The following PIK3R3 variants were observed in gnomAD, a reference collection of about 807,000 sequenced individuals.
The protein encoded by PIK3R3 is phosphatidylinositol 3-kinase regulatory subunit gamma.
In PIK3R3, 64 loss-of-function variants were observed where a neutral mutation model predicts 62.9. The observed-to-expected ratio is 1.02, with a 90% CI of 0.83 to 1.25. PIK3R3 has a LOEUF of 1.25. PIK3R3 is among the 50% of genes most tolerant of loss of function. The pLI, the probability that PIK3R3 is intolerant of heterozygous loss-of-function variation, is 0.00. For missense variants in PIK3R3, 614 were observed against 561.6 expected (o/e 1.09, Z -0.94); for synonymous variants, 165 against 189.0 (o/e 0.87, Z 1.04).
intron 1 of PIK3R3, among the ~76,000 whole-genome samples, chr1:46,109,724 C>T (rs1038236390): frequency 1.4e-4 from 22 of 152,078 alleles, no homozygotes; most frequent in African/African-American, 4.8e-4. Flanking sequence ...CCCCATGATC[C>T]GCCCACCTCA....
rs1557589516 is a variant in PIK3R3 at position 46,080,644 on chromosome 1, T to G, written c.213A>C (p.Ser71=). The change falls in exon 2 of 10, where the codon TCA becomes TCC. Residue 71 remains serine (S), a splice_region_variant and synonymous_variant. Coordinates refer to ENST00000262741, the MANE Select transcript of PIK3R3 (RefSeq NM_003629.4). Reference sequence around the variant, plus strand: ...AATTACAGTAGCATTCTAGTTACCTTGAAATATCCCCCCAGTACCATTCTG... The same window carrying G: ...AATTACAGTAGCATTCTAGTTACCTGGAAATATCCCCCCAGTACCATTCTG... ...QDAEWYWGDI[S]REEVNDKLRD... The G allele has an allele frequency of 1.3e-6, 2 of 1,582,520 alleles. No individual in the cohort carries two copies. The highest frequency in any genetic ancestry group is 1.7e-6 in the Non-Finnish European group (2 of 1,154,274).
intron 1 of PIK3R3, among the ~76,000 whole-genome samples, chr1:46,094,558 T>C (rs1292035349): frequency 6.6e-6 from 1 of 152,174 alleles, no homozygotes; most frequent in East Asian, 1.9e-4. Flanking sequence ...TAAAAGACAA[T>C]GATTAAACAA....
chr1:46,126,899 G>A (rs1052650066), intron 1 of PIK3R3, among the ~76,000 whole-genome samples: 4 of 151,964 alleles, frequency 2.6e-5, no homozygotes, highest in Non-Finnish European at 5.9e-5. Flanking sequence ...GCCCTTTGAG[G>A]TCTTCTAATT....
the PIK3R3 span, among the ~76,000 whole-genome samples, chr1:46,152,331 A>G: frequency 1.3e-5 from 2 of 151,174 alleles, no homozygotes; most frequent in African/African-American, 4.9e-5. Flanking sequence ...CCCAGCCAAG[A>G]GCACTCTTTC....
the PIK3R3 span, among the ~76,000 whole-genome samples, chr1:46,166,732 G>A: frequency 6.6e-6 from 1 of 152,174 alleles, no homozygotes; most frequent in Non-Finnish European, 1.5e-5. Context: ...AACAGTAATC[G>A]GTCGAATTCG....
chr1:46,085,378 A>ATG (rs1433423170), intron 1 of PIK3R3, among the ~76,000 whole-genome samples: 3 of 152,210 alleles, frequency 2.0e-5, no homozygotes, highest in Non-Finnish European at 4.4e-5. Flanking sequence ...GGACTTTATA[A>ATG]TCCAAAAGGA....
chr1:46,110,718 A>G (rs785489), intron 1 of PIK3R3, among the ~76,000 whole-genome samples: 69,670 of 151,286 alleles, frequency 0.46, 16,160 homozygotes, highest in East Asian at 0.62. Context: ...TATTTGTTGA[A>G]TTACTGCTTG....
chr1:46,157,333 A>G, the PIK3R3 span, among the ~76,000 whole-genome samples: 2 of 152,180 alleles, frequency 1.3e-5, no homozygotes, highest in African/African-American at 2.4e-5. Context: ...GGGTTTTGCC[A>G]TGTTGCCCAG....
chr1:46,172,905 A>C, the PIK3R3 span, among the ~76,000 whole-genome samples: 1 of 152,174 alleles, frequency 6.6e-6, no homozygotes, highest in Non-Finnish European at 1.5e-5. Context: ...AGGCACGAGA[A>C]TCACTTGACT....
At chr1:46,091,587 C>G (rs1028980687) in intron 1 of PIK3R3, among the ~76,000 whole-genome samples, 2 of 152,078 alleles carry the variant, frequency 1.3e-5, no homozygotes, top group Admixed American at 6.6e-5. Context: ...AATTCCAGAT[C>G]TAGACTTAAG....
chr1:46,063,772 G>A (rs527732609), intron 5 of PIK3R3, among the ~76,000 whole-genome samples: 4 of 151,898 alleles, frequency 2.6e-5, no homozygotes, highest in Non-Finnish European at 4.4e-5. Flanking sequence ...TCACTCTATC[G>A]TATCAGCTAA....
chr1:46,127,340 C>T (rs1239786456), intron 1 of PIK3R3, among the ~76,000 whole-genome samples: 1 of 66,894 alleles, frequency 1.5e-5, no homozygotes, highest in Non-Finnish European at 3.1e-5. Flanking sequence ...GAGACCCTGC[C>T]TCAAAAAAAA....
At chr1:46,165,875 A>G in the PIK3R3 span, among the ~76,000 whole-genome samples, 2 of 134,678 alleles carry the variant, frequency 1.5e-5, no homozygotes, top group Non-Finnish European at 3.1e-5. Flanking sequence ...GGGTTCACCC[A>G]TTCTCCTGCC....
In PIK3R3 at chr1:46,077,573, TC is replaced by T. The variant is rs776465762; in HGVS notation, c.255del (p.Thr86ProfsTer17). 1.2e-6 allele frequency: 2 copies of T among 1,612,592 alleles called. No homozygotes were observed. Among genetic ancestry groups the T allele is most frequent in the East Asian group, 2.2e-5 (1 of 44,856 alleles). ...VNDKLRDMPD[G>X]TFLVRDASTK... Reference sequence around the variant, plus strand: ...GTTGAGGCATCTCGGACCAAGAAGGTCCCATCTGGCATATCCCGCAATTTGT... The same window carrying T: ...GTTGAGGCATCTCGGACCAAGAAGGTCCATCTGGCATATCCCGCAATTTGT... On this transcript the variant is annotated frameshift_variant, in exon 3 of 10. Coordinates refer to ENST00000262741, the MANE Select transcript of PIK3R3 (RefSeq NM_003629.4). LOFTEE classifies it high-confidence loss of function.
At chr1:46,045,882 A>G in intron 9 of PIK3R3, 36 bp downstream of exon 9, 1 of 1,561,992 alleles carries the variant, frequency 6.4e-7, no homozygotes, top group Non-Finnish European at 8.8e-7. Flanking sequence ...TTGATGCAAA[A>G]GATTTCAAAA....
chr1:46,045,972 C>G lies in PIK3R3; in HGVS notation c.1133G>C (p.Gly378Ala). Residue 378 changes from glycine to alanine, a missense_variant, in exon 9 of 10, where the codon GGT becomes GCT. Coordinates refer to ENST00000262741, the MANE Select transcript of PIK3R3 (RefSeq NM_003629.4). ...GCTACTCTCACGAATTAAGAATGCA[C>G]CATCAGGTTTCCCATAAAGCAAGTC... Reference protein sequence around the residue: ...AEDLLYGKPDGAFLIRESSKK... With the variant: ...AEDLLYGKPDAAFLIRESSKK... 1 of 1,613,592 alleles carries G rather than the reference C, an allele frequency of 6.2e-7. No homozygotes were observed. Among genetic ancestry groups the G allele is most frequent in the Non-Finnish European group, 8.5e-7 (1 of 1,179,758 alleles).
chr1:46,118,770 G>T (rs1159361237), intron 1 of PIK3R3, among the ~76,000 whole-genome samples: 1 of 151,858 alleles, frequency 6.6e-6, no homozygotes. Context: ...TGGCCAGGCT[G>T]GTCTCAAACT....
At chr1:46,075,458 T>C (rs1193153701) in intron 3 of PIK3R3, among the ~76,000 whole-genome samples, 1 of 151,786 alleles carries the variant, frequency 6.6e-6, no homozygotes, top group Non-Finnish European at 1.5e-5. Flanking sequence ...CTACAAAAAA[T>C]AAAAAACACA....
At chr1:46,169,128 T>A in the PIK3R3 span, among the ~76,000 whole-genome samples, 735 of 152,302 alleles carry the variant, frequency 4.8e-3, 14 homozygotes, top group East Asian at 0.046. Flanking sequence ...CTCTCATCCA[T>A]GGACTTACAT....
Sources: allele counts gnomAD v4.1 joint callset (sites outside exome capture counted in the v4.1 genomes callset), GRCh38; gene constraint gnomAD v4.1.1; transcripts MANE v1.5; gene names NCBI Gene and HGNC (gene_info 2026-07-23, HGNC 2026-07-21).